Variants in EYS observed in about 807,000 individuals in gnomAD.
EYS encodes EGF-like photoreceptor maintenance factor, also known as protein eyes shut homolog.
Under a neutral mutation model 282.1 loss-of-function variants are expected in EYS, and 250 were observed. That is an observed-to-expected ratio of 0.89 (90% confidence interval 0.80 to 0.98). EYS has a LOEUF of 0.98. Ranked by LOEUF, EYS falls within the 50% of genes least tolerant of loss-of-function variation. The probability of loss-of-function intolerance (pLI) is 0.00; values close to 1 mark genes in which losing one functional copy is unlikely to be tolerated. For synonymous variants in EYS, 1,355 were observed against 1,282.9 expected, an observed-to-expected ratio of 1.06 and a Z score of -1.20; for missense variants, 4,016 against 3,709.0, an observed-to-expected ratio of 1.08 and a Z score of -2.15.
intron 2 of EYS, among the ~76,000 whole-genome samples, chr6:65,631,833 T>G (rs950236552): frequency 4.6e-5 from 7 of 152,182 alleles, no homozygotes; most frequent in African/African-American, 1.4e-4. Flanking sequence ...TCCATTATTA[T>G]GGATGTTAGA....
chr6:64,696,160 T>C (rs62418055), intron 22 of EYS, among the ~76,000 whole-genome samples: 8,637 of 152,206 alleles, frequency 0.057, 318 homozygotes, highest in East Asian at 0.15. Context: ...GAGATAGATA[T>C]CTTTTAAAAA....
At chr6:64,875,613 T>A (rs1405450807) in intron 19 of EYS, among the ~76,000 whole-genome samples, 4 of 152,050 alleles carry the variant, frequency 2.6e-5, no homozygotes, top group Non-Finnish European at 4.4e-5. Flanking sequence ...TATGAACAAC[T>A]GAAGAAGAAG....
At chr6:65,670,086 ACCCTGC>A (rs1348635137) in intron 1 of EYS, among the ~76,000 whole-genome samples, 1 of 151,908 alleles carries the variant, frequency 6.6e-6, no homozygotes, top group Non-Finnish European at 1.5e-5. Context: ...AACAAGATTA[ACCCTGC>A]ACCTTTCTGT....
chr6:63,908,513 C>T (rs548035463), intron 35 of EYS, among the ~76,000 whole-genome samples: 9 of 152,034 alleles, frequency 5.9e-5, no homozygotes, highest in African/African-American at 1.4e-4. Flanking sequence ...TGCAGTGGTG[C>T]GATCTTGGCT....
chr6:65,571,699 A>T lies in EYS; in HGVS notation c.-333+68079T>A, dbSNP rs184090684. On this transcript the variant is annotated intron_variant, in intron 2 of 42. Coordinates refer to ENST00000503581, the MANE Select transcript of EYS (RefSeq NM_001142800.2). ...TCTAAACAACAATAGTTCGATAATGAAATTTTTCAAATGCTTTTGATAAAA... is the reference window on the plus strand; with the variant it reads ...TCTAAACAACAATAGTTCGATAATGTAATTTTTCAAATGCTTTTGATAAAA... Among the ~76,000 whole-genome samples the T allele has an allele frequency of 7.3e-4, 111 of 152,166 alleles. 1 individual carries two copies. Among genetic ancestry groups the T allele is most frequent in the Admixed American group, 1.3e-3 (20 of 15,270 alleles).
chr6:64,357,634 G>C (rs115101156), intron 29 of EYS, among the ~76,000 whole-genome samples: 2,617 of 151,572 alleles, frequency 0.017, 66 homozygotes, highest in African/African-American at 0.06. Flanking sequence ...TAAGTGTTCT[G>C]ATTCTAGTTA....
chr6:64,507,694 C>T (rs1179633045), intron 26 of EYS, among the ~76,000 whole-genome samples: 1 of 151,988 alleles, frequency 6.6e-6, no homozygotes, highest in Non-Finnish European at 1.5e-5. Context: ...TCGGGAAAAA[C>T]AAATATTTGG....
chr6:64,254,843 T>G lies in EYS; in HGVS notation c.6192-24019A>C, dbSNP rs1039418356. On this transcript the variant is annotated intron_variant, in intron 30 of 42. Transcript: ENST00000503581. ...ACACTTGCCTTTGAGGAAATGACCT[T>G]GCAGAAGCAATCAAAGATTTGGAAA... Among the ~76,000 whole-genome samples, 6 of 152,220 alleles carry G rather than the reference T, an allele frequency of 3.9e-5. No individual in the cohort carries two copies. The East Asian group carries it at 5.8e-4, about 15-fold the overall frequency.
At chr6:65,657,462 T>C (rs1412959897) in intron 1 of EYS, among the ~76,000 whole-genome samples, 2 of 151,842 alleles carry the variant, frequency 1.3e-5, no homozygotes, top group African/African-American at 4.8e-5. Context: ...CCAAATCTCA[T>C]AGATGACATT....
At chr6:65,412,839 C>T (rs761940940) in intron 5 of EYS, among the ~76,000 whole-genome samples, 1 of 152,058 alleles carries the variant, frequency 6.6e-6, no homozygotes, top group Non-Finnish European at 1.5e-5. Flanking sequence ...ACTGATTTAT[C>T]TATTTAGTTT....
intron 33 of EYS, among the ~76,000 whole-genome samples, chr6:64,029,598 G>T (rs1328402790): frequency 6.6e-6 from 1 of 152,210 alleles, no homozygotes; most frequent in Non-Finnish European, 1.5e-5. Flanking sequence ...ACAAATTATA[G>T]TCCAGACTTA....
At chr6:64,237,011 T>C (rs572345265) in intron 30 of EYS, among the ~76,000 whole-genome samples, 4 of 152,216 alleles carry the variant, frequency 2.6e-5, no homozygotes, top group African/African-American at 9.6e-5. Context: ...AAGTAGTATG[T>C]ACATTTAATT....
rs1502968 is a variant in EYS, at chr6:65,330,535, C to A, written c.1766+4445G>T. Reference sequence around the variant, plus strand: ...GAAAAATTTTTTGAAGATTTCAGGGCAAAAAAATGTGGTAATATGCAGACC... The same window carrying A: ...GAAAAATTTTTTGAAGATTTCAGGGAAAAAAAATGTGGTAATATGCAGACC... On this transcript the variant is annotated intron_variant, in intron 11 of 42. Transcript: ENST00000503581. 3.5e-3 allele frequency: 3,452 copies of A among 983,418 alleles called. 85 individuals carry two copies. In the African/African-American group the frequency reaches 0.055, roughly 16 times the overall value. 60.9% of individuals were successfully genotyped at this position (983,418 alleles called of 1,614,324 possible).
intron 37 of EYS, among the ~76,000 whole-genome samples, chr6:63,805,625 C>T (rs539832669): frequency 5.3e-5 from 8 of 152,254 alleles, no homozygotes; most frequent in Admixed American, 2.6e-4. Flanking sequence ...GTTTTGTGTT[C>T]CCACGCAAAC....
chr6:64,301,921 C>A (rs917017481), intron 30 of EYS, among the ~76,000 whole-genome samples: 8 of 152,104 alleles, frequency 5.3e-5, no homozygotes, highest in Non-Finnish European at 7.4e-5. Flanking sequence ...TTAATATTGG[C>A]TTTGGAGACT....
rs1470478390 is a variant in EYS at position 65,583,857 on chromosome 6, T to C, written c.-333+55921A>G. ...TTATGTTTTACACAAAATAGGGATATTGACAGAATGTTAATATGTTCATAT... is the reference window on the plus strand; with the variant it reads ...TTATGTTTTACACAAAATAGGGATACTGACAGAATGTTAATATGTTCATAT... On this transcript the variant is annotated intron_variant, in intron 2 of 42. Transcript: ENST00000503581. Among the ~76,000 whole-genome samples the C allele has an allele frequency of 2.6e-5, 4 of 152,116 alleles. No homozygotes were observed. In the East Asian group the frequency reaches 7.8e-4, roughly 30 times the overall value.
intron 15 of EYS, among the ~76,000 whole-genome samples, chr6:64,924,009 C>A (rs1185230446): frequency 2.0e-5 from 3 of 152,160 alleles, no homozygotes; most frequent in Non-Finnish European, 4.4e-5. Flanking sequence ...CTAGGTGGTG[C>A]CCCAGTAGGG....
At chr6:65,486,110 T>C (rs1439344331) in intron 5 of EYS, among the ~76,000 whole-genome samples, 2 of 152,162 alleles carry the variant, frequency 1.3e-5, no homozygotes. Flanking sequence ...GAGCAGAAAA[T>C]ATAGGAAATG....
At chr6:64,534,761 C>T (rs1339886172) in intron 26 of EYS, among the ~76,000 whole-genome samples, 1 of 151,638 alleles carries the variant, frequency 6.6e-6, no homozygotes, top group African/African-American at 2.4e-5. Context: ...CAATACATTG[C>T]TTAATTCAAC....
Sources: gnomAD v4.1 joint callset for allele counts (sites outside exome capture counted in the v4.1 genomes callset) on GRCh38, gnomAD v4.1.1 for gene constraint, MANE v1.5 for transcripts, NCBI Gene and HGNC (gene_info 2026-07-23, HGNC 2026-07-21) for gene names.